The following MEIKIN variants were observed in gnomAD, a reference collection of about 807,000 sequenced individuals.
MEIKIN encodes the protein meiotic kinetochore factor, also known as meiosis-specific kinetochore protein.
At chr5:131,842,571 T>C (rs1749934096) in intron 11 of MEIKIN, among the ~76,000 whole-genome samples, 1 of 152,200 alleles carries the variant, frequency 6.6e-6, no homozygotes, top group African/African-American at 2.4e-5. Flanking sequence ...TTTTTTCTTC[T>C]CTTGATGTTT....
At chr5:131,907,918 G>A (rs1341915895) in intron 8 of MEIKIN, among the ~76,000 whole-genome samples, 1 of 151,858 alleles carries the variant, frequency 6.6e-6, no homozygotes, top group Non-Finnish European at 1.5e-5. Flanking sequence ...GACAATACAA[G>A]TAACAAGATT....
At chr5:131,940,786 A>G (rs993944332) in intron 4 of MEIKIN, among the ~76,000 whole-genome samples, 6 of 152,186 alleles carry the variant, frequency 3.9e-5, no homozygotes, top group African/African-American at 1.4e-4. Flanking sequence ...CCACACTGGA[A>G]GTCTGCTGTA....
At chr5:131,839,749 T>C (rs951713247) in intron 11 of MEIKIN, among the ~76,000 whole-genome samples, 2 of 152,200 alleles carry the variant, frequency 1.3e-5, no homozygotes, top group Admixed American at 6.5e-5. Context: ...TGTCACTGCA[T>C]GTGAGATGGG....
chr5:131,813,581 C>T (rs1260517333), intron 12 of MEIKIN, among the ~76,000 whole-genome samples: 1 of 152,072 alleles, frequency 6.6e-6, no homozygotes, highest in African/African-American at 2.4e-5. Flanking sequence ...CACCCGCCAC[C>T]ATGCCCGGCT....
chr5:131,913,929 A>G (rs1198556297), intron 7 of MEIKIN, among the ~76,000 whole-genome samples: 1 of 152,196 alleles, frequency 6.6e-6, no homozygotes, highest in Non-Finnish European at 1.5e-5. Flanking sequence ...TTAATAGCCA[A>G]CGTGGTAGTA....
intron 7 of MEIKIN, among the ~76,000 whole-genome samples, chr5:131,915,147 T>C (rs937662222): frequency 6.6e-6 from 1 of 152,168 alleles, no homozygotes; most frequent in African/African-American, 2.4e-5. Flanking sequence ...ATAGGTGTTC[T>C]GTGGTGAAGT....
intron 8 of MEIKIN, among the ~76,000 whole-genome samples, chr5:131,888,989 T>C (rs1219459834): frequency 6.6e-6 from 1 of 152,234 alleles, no homozygotes. Context: ...ATTGCTTGTT[T>C]ATGTCAGGTT....
intron 8 of MEIKIN, among the ~76,000 whole-genome samples, chr5:131,882,985 C>T (rs1750723454): frequency 6.6e-6 from 1 of 152,162 alleles, no homozygotes; most frequent in South Asian, 2.1e-4. Flanking sequence ...CACCTCTTTA[C>T]CCTACCTTAT....
chr5:131,860,355 T>TC (rs1750262741), intron 9 of MEIKIN, among the ~76,000 whole-genome samples: 2 of 151,708 alleles, frequency 1.3e-5, no homozygotes, highest in South Asian at 2.1e-4. Context: ...TGATTTTTTT[T>TC]CAGATATTAT....
intron 12 of MEIKIN, among the ~76,000 whole-genome samples, chr5:131,808,236 A>G (rs905811358): frequency 1.3e-5 from 2 of 152,194 alleles, no homozygotes. Flanking sequence ...AAGACTTTGC[A>G]AAATGGTTCA....
At chr5:131,847,421 A>G (rs1023008844) in intron 11 of MEIKIN, among the ~76,000 whole-genome samples, 3 of 152,096 alleles carry the variant, frequency 2.0e-5, no homozygotes, top group Non-Finnish European at 2.9e-5. Flanking sequence ...TAAAGTTTCA[A>G]TCAAAAGGTT....
At chr5:131,883,189 T>C (rs1014121089) in intron 8 of MEIKIN, among the ~76,000 whole-genome samples, 14 of 152,194 alleles carry the variant, frequency 9.2e-5, no homozygotes, top group African/African-American at 3.4e-4. Context: ...GAACACTAAA[T>C]TGAGATGCCT....
At chr5:131,832,582 AC>A (rs1344271184) in intron 11 of MEIKIN, among the ~76,000 whole-genome samples, 1 of 151,754 alleles carries the variant, frequency 6.6e-6, no homozygotes, top group Admixed American at 6.6e-5. Context: ...TTGTATGGGG[AC>A]TCCAACCCCA....
chr5:131,904,997 A>T (rs1316120432), intron 8 of MEIKIN, among the ~76,000 whole-genome samples: 1 of 152,072 alleles, frequency 6.6e-6, no homozygotes, highest in African/African-American at 2.4e-5. Context: ...GGGTTGGAGG[A>T]TAGGGGAGGA....
chr5:131,937,141 C>G (rs1008905474), intron 4 of MEIKIN, among the ~76,000 whole-genome samples: 2 of 152,102 alleles, frequency 1.3e-5, no homozygotes, highest in African/African-American at 4.8e-5. Context: ...ACTCTGATTC[C>G]TAGATCCCAT....
chr5:131,885,892 G>A (rs1215712831), intron 8 of MEIKIN, among the ~76,000 whole-genome samples: 1 of 152,090 alleles, frequency 6.6e-6, no homozygotes, highest in South Asian at 2.1e-4. Context: ...GCTGTTTTGA[G>A]GAAATTCAAA....
At chr5:131,941,307 T>C (rs1249235571) in intron 4 of MEIKIN, among the ~76,000 whole-genome samples, 1 of 148,098 alleles carries the variant, frequency 6.8e-6, no homozygotes, top group Non-Finnish European at 1.5e-5. Context: ...TACAGGCGCC[T>C]GCCACCACGC....
At chr5:131,886,554 G>C (rs576368991) in intron 8 of MEIKIN, among the ~76,000 whole-genome samples, 1 of 152,256 alleles carries the variant, frequency 6.6e-6, no homozygotes, top group African/African-American at 2.4e-5. Context: ...AGTATATCAG[G>C]CAAAAATATC....
At chr5:131,848,571 C>A (rs917389303) in intron 11 of MEIKIN, among the ~76,000 whole-genome samples, 1 of 152,108 alleles carries the variant, frequency 6.6e-6, no homozygotes, top group Non-Finnish European at 1.5e-5. Context: ...AATTCTGATG[C>A]CTTCCCTGGT....
Sources: gnomAD v4.1 joint callset for allele counts (sites outside exome capture counted in the v4.1 genomes callset) on GRCh38, gnomAD v4.1.1 for gene constraint, MANE v1.5 for transcripts, NCBI Gene and HGNC (gene_info 2026-07-23, HGNC 2026-07-21) for gene names.